Variants in KHDRBS2 observed in about 807,000 individuals in gnomAD.
KHDRBS2 encodes the protein KH RNA binding domain containing, signal transduction associated 2.
KHDRBS2 carries 26 observed loss-of-function variants against 44.3 expected under a neutral mutation model. That is an observed-to-expected ratio of 0.59 (90% confidence interval 0.43 to 0.81). The LOEUF (loss-of-function observed/expected upper bound fraction) is 0.81. Ranked by LOEUF, KHDRBS2 falls within the 40% of genes least tolerant of loss-of-function variation. KHDRBS2 has a pLI of 0.00. For missense variants in KHDRBS2, 476 were observed against 433.1 expected (o/e 1.10, Z -0.88); for synonymous variants, 194 against 151.1 (o/e 1.28, Z -2.08).
At chr6:61,946,300 T>G (rs1248756307) in intron 4 of KHDRBS2, among the ~76,000 whole-genome samples, 1 of 152,198 alleles carries the variant, frequency 6.6e-6, no homozygotes, top group African/African-American at 2.4e-5. Flanking sequence ...ATAGCATGTA[T>G]TTAACAACGC....
intron 1 of KHDRBS2, among the ~76,000 whole-genome samples, chr6:62,224,572 G>A (rs1392751880): frequency 6.6e-6 from 1 of 152,030 alleles, no homozygotes; most frequent in Non-Finnish European, 1.5e-5. Context: ...TTTCGCACTG[G>A]CACCATCCTA....
the KHDRBS2 span, among the ~76,000 whole-genome samples, chr6:61,562,734 C>T: frequency 3.9e-5 from 6 of 152,172 alleles, no homozygotes; most frequent in South Asian, 1.0e-3. Context: ...TGGTCCAAAA[C>T]ACGAAACTAT....
At chr6:61,600,978 C>T in the KHDRBS2 span, among the ~76,000 whole-genome samples, 1 of 152,200 alleles carries the variant, frequency 6.6e-6, no homozygotes, top group Non-Finnish European at 1.5e-5. Flanking sequence ...GGAAGACAGT[C>T]TTCCCTTGGT....
intron 4 of KHDRBS2, among the ~76,000 whole-genome samples, chr6:61,974,543 T>C (rs1342863024): frequency 6.6e-6 from 1 of 152,132 alleles, no homozygotes; most frequent in Non-Finnish European, 1.5e-5. Context: ...ATGAAAACTT[T>C]AATACTTCAC....
intron 2 of KHDRBS2, among the ~76,000 whole-genome samples, chr6:62,098,269 G>A (rs543080495): frequency 1.1e-4 from 15 of 132,786 alleles, no homozygotes; most frequent in Admixed American, 1.1e-3. Context: ...TTTGTTACAA[G>A]TTAGAACCTC....
intron 6 of KHDRBS2, among the ~76,000 whole-genome samples, chr6:61,808,383 G>A (rs1414412063): frequency 6.6e-6 from 1 of 152,080 alleles, no homozygotes; most frequent in African/African-American, 2.4e-5. Flanking sequence ...TATTTTATAT[G>A]TTAGGTTATA....
chr6:62,276,030 A>G (rs1390402802), intron 1 of KHDRBS2, among the ~76,000 whole-genome samples: 1 of 152,180 alleles, frequency 6.6e-6, no homozygotes, highest in Non-Finnish European at 1.5e-5. Flanking sequence ...CTATCACAGA[A>G]GCTCCCTCTC....
chr6:61,760,286 T>C (rs1222482094), intron 6 of KHDRBS2, among the ~76,000 whole-genome samples: 3 of 152,192 alleles, frequency 2.0e-5, no homozygotes, highest in Non-Finnish European at 4.4e-5. Flanking sequence ...CCCAAATTGT[T>C]ATTGATACTA....
chr6:62,188,630 G>T (rs1459835569), intron 1 of KHDRBS2, among the ~76,000 whole-genome samples: 2 of 152,148 alleles, frequency 1.3e-5, no homozygotes, highest in Admixed American at 6.6e-5. Context: ...CTGGGGTAGA[G>T]TTTTCAAGGA....
intron 6 of KHDRBS2, among the ~76,000 whole-genome samples, chr6:61,857,702 T>C (rs1283430855): frequency 6.6e-6 from 1 of 151,978 alleles, no homozygotes; most frequent in Non-Finnish European, 1.5e-5. Flanking sequence ...GCTTTTGGAA[T>C]TGATTGAACA....
chr6:62,066,622 A>G (rs555201717), intron 2 of KHDRBS2, among the ~76,000 whole-genome samples: 2 of 151,794 alleles, frequency 1.3e-5, no homozygotes, highest in African/African-American at 2.4e-5. Flanking sequence ...TTCCATCTCT[A>G]TATAATTTCA....
intron 7 of KHDRBS2, among the ~76,000 whole-genome samples, chr6:61,720,671 G>C (rs1205856394): frequency 6.6e-6 from 1 of 152,108 alleles, no homozygotes. Flanking sequence ...GTAGATTCTG[G>C]ATATTAGCCC....
intron 4 of KHDRBS2, among the ~76,000 whole-genome samples, chr6:61,976,535 T>C (rs757867507): frequency 6.6e-6 from 1 of 152,060 alleles, no homozygotes; most frequent in Non-Finnish European, 1.5e-5. Flanking sequence ...CCCTTGATAT[T>C]TCTATTATAT....
chr6:62,020,631 G>A (rs767975541), intron 3 of KHDRBS2, among the ~76,000 whole-genome samples: 27 of 151,872 alleles, frequency 1.8e-4, no homozygotes, highest in African/African-American at 7.2e-5. Flanking sequence ...CTTTATGTGC[G>A]TAAACTTTAT....
chr6:61,702,791 C>T lies in KHDRBS2; in HGVS notation c.894-5538G>A, dbSNP rs112991799. ...ATATTAATCTGCTATTGGCTCCTGC[C>T]TCCTTCACTCCACTTATTTACGTAT... On this transcript the variant is annotated intron_variant, in intron 7 of 8. Transcript: ENST00000281156. Among the ~76,000 whole-genome samples, 489 of 151,950 alleles carry T rather than the reference C, an allele frequency of 3.2e-3. 6 individuals are homozygous for T. The highest frequency in any genetic ancestry group is 0.011 in the African/African-American group (472 of 41,488).
At chr6:62,233,411 A>T (rs555707254) in intron 1 of KHDRBS2, among the ~76,000 whole-genome samples, 1 of 152,312 alleles carries the variant, frequency 6.6e-6, no homozygotes, top group East Asian at 1.9e-4. Flanking sequence ...ATACAGTTAA[A>T]TGTTAAGCTT....
At chr6:61,715,147 G>GT (rs1282887796) in intron 7 of KHDRBS2, among the ~76,000 whole-genome samples, 4 of 151,796 alleles carry the variant, frequency 2.6e-5, no homozygotes, top group Admixed American at 2.0e-4. Flanking sequence ...CCTGGAGGCT[G>GT]TTTTTTTAAC....
chr6:61,956,389 T>G (rs1298277006), intron 4 of KHDRBS2, among the ~76,000 whole-genome samples: 1 of 152,190 alleles, frequency 6.6e-6, no homozygotes, highest in Admixed American at 6.5e-5. Flanking sequence ...CATGATTCAC[T>G]GACAAAATTG....
intron 6 of KHDRBS2, among the ~76,000 whole-genome samples, chr6:61,880,127 A>G (rs1800003599): frequency 6.6e-6 from 1 of 151,956 alleles, no homozygotes; most frequent in African/African-American, 2.4e-5. Context: ...GTTCAGATGC[A>G]TAGCATAAGA....
Sources: gnomAD v4.1 joint callset for allele counts (sites outside exome capture counted in the v4.1 genomes callset) on GRCh38, gnomAD v4.1.1 for gene constraint, MANE v1.5 for transcripts, NCBI Gene and HGNC (gene_info 2026-07-23, HGNC 2026-07-21) for gene names.